Variants in GPR176 observed in about 807,000 individuals in gnomAD.
GPR176 encodes G protein-coupled receptor 176.
GPR176 carries 26 observed loss-of-function variants against 35.4 expected under a neutral mutation model. The ratio of observed to expected loss-of-function variants is 0.74; its 90% CI spans 0.54 to 1.02. The LOEUF is 1.02. Ranked by LOEUF, GPR176 falls within the 50% of genes least tolerant of loss-of-function variation. GPR176 has a pLI of 0.00. For missense variants in GPR176, 597 were observed against 665.3 expected (o/e 0.90, Z 1.13); for synonymous variants, 278 against 271.3 (o/e 1.02, Z -0.24).
intron 1 of GPR176, among the ~76,000 whole-genome samples, chr15:39,908,754 C>G (rs2033494630): frequency 6.6e-6 from 1 of 152,132 alleles, no homozygotes; most frequent in Non-Finnish European, 1.5e-5. Context: ...ATAATCCCTG[C>G]TTATCAGCCC....
intron 2 of GPR176, among the ~76,000 whole-genome samples, chr15:39,804,227 A>G (rs184380201): frequency 6.6e-6 from 1 of 152,190 alleles, no homozygotes; most frequent in East Asian, 1.9e-4. Flanking sequence ...GTACACCTCT[A>G]AACAGTGATG....
intron 1 of GPR176, among the ~76,000 whole-genome samples, chr15:39,833,657 TGAATTACATGTCAA>T (rs1226243587): frequency 6.6e-6 from 1 of 152,210 alleles, no homozygotes; most frequent in Non-Finnish European, 1.5e-5. Context: ...GTATGGTAAG[TGAATTACATGTCAA>T]TAAAGCTGTT....
intron 1 of GPR176, among the ~76,000 whole-genome samples, chr15:39,893,201 T>A (rs979585169): frequency 2.0e-5 from 3 of 152,162 alleles, no homozygotes; most frequent in African/African-American, 4.8e-5. Flanking sequence ...GGTCAGCAGA[T>A]AAACAAGTGA....
chr15:39,914,774 A>T (rs1395251518), intron 1 of GPR176, among the ~76,000 whole-genome samples: 1 of 152,240 alleles, frequency 6.6e-6, no homozygotes, highest in Non-Finnish European at 1.5e-5. Flanking sequence ...AACTAGTATT[A>T]TAGTATTAAC....
intron 1 of GPR176, among the ~76,000 whole-genome samples, chr15:39,834,455 A>G (rs1901274620): frequency 6.6e-6 from 1 of 152,180 alleles, no homozygotes; most frequent in African/African-American, 2.4e-5. Context: ...TAAGCTTCCA[A>G]GAAGGGTTAT....
intron 1 of GPR176, among the ~76,000 whole-genome samples, chr15:39,845,371 G>T (rs2030345544): frequency 6.6e-6 from 1 of 151,772 alleles, no homozygotes; most frequent in Non-Finnish European, 1.5e-5. Context: ...ACTAGATAAG[G>T]TCTAGAAAAT....
At chr15:39,862,350 T>C (rs963108750) in intron 1 of GPR176, 3 of 152,160 alleles carry the variant, frequency 2.0e-5, no homozygotes, top group Non-Finnish European at 4.4e-5. Context: ...GTGATGATAG[T>C]CTCCCCATCA....
Position 39,919,865 on chromosome 15 carries a change from G to A in GPR176, c.162C>T (p.Gly54=). 1 of 1,452,934 alleles carries A rather than the reference G, an allele frequency of 6.9e-7. No homozygotes were observed. The highest frequency in any genetic ancestry group is 1.5e-5 in the South Asian group (1 of 67,732). The allele number at this position is 1,452,934 out of a possible 1,614,324, so 90.0% of individuals were successfully genotyped here. The part of the protein sequence containing the change: ...TTTVQVVIFI[G]SLLGNFMVLW... ...CCGCGGGAGGCTTACCGAGCAGCGAGCCTATGAAGATGACGACCTGCACGG... is the reference window on the plus strand; with the variant it reads ...CCGCGGGAGGCTTACCGAGCAGCGAACCTATGAAGATGACGACCTGCACGG... Residue 54 remains glycine, a synonymous_variant, in exon 1 of 3, where the codon GGC becomes GGT. Transcript: ENST00000561100.
intron 1 of GPR176, among the ~76,000 whole-genome samples, chr15:39,894,813 G>A (rs544193045): frequency 0.012 from 1,903 of 152,276 alleles, 49 homozygotes; most frequent in African/African-American, 0.041. Context: ...CTTCCCAGAC[G>A]GGGTGGTGGC....
At chr15:39,846,025 A>C (rs1257409193) in intron 1 of GPR176, among the ~76,000 whole-genome samples, 1 of 152,232 alleles carries the variant, frequency 6.6e-6, no homozygotes, top group African/African-American at 2.4e-5. Flanking sequence ...TCTCAGTATA[A>C]TCAAAGCCAC....
At chr15:39,805,041 T>C (rs1899105243) in intron 2 of GPR176, among the ~76,000 whole-genome samples, 3 of 152,226 alleles carry the variant, frequency 2.0e-5, no homozygotes, top group Non-Finnish European at 4.4e-5. Flanking sequence ...TCTATAAATA[T>C]ATTAAAATTC....
intron 1 of GPR176, among the ~76,000 whole-genome samples, chr15:39,864,928 T>A (rs1221832744): frequency 6.8e-6 from 1 of 146,256 alleles, no homozygotes; most frequent in African/African-American, 2.5e-5. Context: ...CCAGCAGGCA[T>A]GTGGAAAAAA....
chr15:39,807,599 T>C, intron 1 of GPR176: 1 of 1,358,794 alleles, frequency 7.4e-7, no homozygotes, highest in Non-Finnish European at 1.0e-6. Flanking sequence ...TTATCAAGTT[T>C]TCTAGTGACC....
At chr15:39,910,161 A>G (rs567258512) in intron 1 of GPR176, among the ~76,000 whole-genome samples, 19 of 152,358 alleles carry the variant, frequency 1.2e-4, no homozygotes, top group Admixed American at 4.6e-4. Flanking sequence ...TGATGACTGA[A>G]AGAAATAATG....
At chr15:39,909,521 C>A (rs1436680840) in intron 1 of GPR176, among the ~76,000 whole-genome samples, 1 of 152,184 alleles carries the variant, frequency 6.6e-6, no homozygotes, top group African/African-American at 2.4e-5. Flanking sequence ...CTTTGTCCTG[C>A]TGCATTATGC....
chr15:39,831,202 A>C (rs1901057754), intron 1 of GPR176, among the ~76,000 whole-genome samples: 1 of 152,118 alleles, frequency 6.6e-6, no homozygotes, highest in African/African-American at 2.4e-5. Flanking sequence ...GCAGATAAAG[A>C]ATCTTCTGCC....
At position 39,801,434 on chromosome 15, in the gene GPR176, G is replaced by A; in HGVS notation, c.1246C>T (p.Pro416Ser). The A allele has an allele frequency of 1.2e-6, 2 of 1,614,144 alleles. No individual in the cohort carries two copies. Among genetic ancestry groups the A allele is most frequent in the Non-Finnish European group, 8.5e-7 (1 of 1,179,978 alleles). ...FSTCLEGEQG[P>S]QFAPSAPPLS... ...GGTGGGGCAGAGGGCGCAAACTGTG[G>A]CCCCTGCTCTCCCTCCAGGCAGGTG... is the stretch of plus-strand genomic sequence containing the variant. The change falls in exon 3 of 3, where the codon CCA becomes TCA. Residue 416 changes from proline to serine, a missense_variant. Pro to Ser is a moderately conservative substitution (Grantham distance 74). Transcript: ENST00000561100.
chr15:39,811,644 T>C (rs112356992), intron 1 of GPR176, among the ~76,000 whole-genome samples: 8,780 of 152,136 alleles, frequency 0.058, 742 homozygotes, highest in African/African-American at 0.19. Context: ...ATTCGGGGTG[T>C]GGTGGCTCAC....
chr15:39,810,957 C>A (rs56933828), intron 1 of GPR176, among the ~76,000 whole-genome samples: 3,473 of 152,184 alleles, frequency 0.023, 147 homozygotes, highest in African/African-American at 0.077. Context: ...AGTTTGCAGT[C>A]CAAAATGTAA....
Sources: allele counts gnomAD v4.1 joint callset (sites outside exome capture counted in the v4.1 genomes callset), GRCh38; gene constraint gnomAD v4.1.1; transcripts MANE v1.5; gene names NCBI Gene and HGNC (gene_info 2026-07-23, HGNC 2026-07-21).